Variants in NAALADL2 observed in about 807,000 individuals in gnomAD.
NAALADL2 encodes N-acetylated alpha-linked acidic dipeptidase like 2.
NAALADL2 carries 76 observed loss-of-function variants against 87.2 expected under a neutral mutation model. That is an observed-to-expected ratio of 0.87 (90% CI 0.72 to 1.05). The LOEUF (loss-of-function observed/expected upper bound fraction) is 1.05. Ranked by LOEUF, NAALADL2 falls within the 50% of genes least tolerant of loss-of-function variation. The pLI, the probability that NAALADL2 is intolerant of heterozygous loss-of-function variation, is 0.00. For synonymous variants in NAALADL2, 354 were observed against 331.0 expected (o/e 1.07, Z -0.75); for missense variants, 1,089 against 945.8 (o/e 1.15, Z -1.99).
chr3:174,536,381 T>C (rs1435228175), intron 1 of NAALADL2, among the ~76,000 whole-genome samples: 3 of 152,168 alleles, frequency 2.0e-5, no homozygotes, highest in Non-Finnish European at 4.4e-5. Flanking sequence ...AAGGGCAACC[T>C]TCTTGTTGGG....
chr3:174,903,859 C>A (rs1486945155), intron 1 of NAALADL2, among the ~76,000 whole-genome samples: 2 of 151,714 alleles, frequency 1.3e-5, no homozygotes, highest in Admixed American at 1.3e-4. Context: ...ATCATCATCA[C>A]CTATAAATGT....
intron 4 of NAALADL2, 146 bp from the exon 5 acceptor site, chr3:175,324,028 CA>C (rs372517580): frequency 0.096 from 39,596 of 412,054 alleles, 1 homozygote; most frequent in South Asian, 0.12. Context: ...AAAAAACAAA[CA>C]AAAAAAAAAA....
chr3:175,115,078 G>T (rs1423946583), intron 2 of NAALADL2: 1 of 151,574 alleles, frequency 6.6e-6, no homozygotes, highest in Non-Finnish European at 1.5e-5. Flanking sequence ...CAGACTAAAT[G>T]ATAAAATATG....
chr3:175,638,655 G>C (rs1728871612), intron 11 of NAALADL2, among the ~76,000 whole-genome samples: 1 of 152,068 alleles, frequency 6.6e-6, no homozygotes, highest in African/African-American at 2.4e-5. Flanking sequence ...AAATGCATGA[G>C]CTTTTTATGT....
chr3:175,021,575 G>A lies in NAALADL2; in HGVS notation c.44-75215G>A, dbSNP rs1033554590. ...CACCCTCTTTCCCCTCAAGTGTTTC[G>A]TATTGAACTTGTGGAGAAGTCAAAC... On this transcript the variant is annotated intron_variant, in intron 1 of 13. Coordinates refer to ENST00000454872, the MANE Select transcript of NAALADL2 (RefSeq NM_207015.3). Among the ~76,000 whole-genome samples the A allele has an allele frequency of 3.9e-5, 6 of 152,066 alleles. No homozygotes were observed. In the South Asian group the frequency reaches 1.2e-3, roughly 32 times the overall value.
At chr3:174,732,904 GA>G (rs1384915727) in intron 2 of NAALADL2, among the ~76,000 whole-genome samples, 1 of 152,036 alleles carries the variant, frequency 6.6e-6, no homozygotes, top group Non-Finnish European at 1.5e-5. Context: ...TGGTGCTTAG[GA>G]AAATCCAAAA....
intron 13 of NAALADL2, among the ~76,000 whole-genome samples, chr3:175,801,878 CCTT>C (rs1333996109): frequency 1.3e-5 from 2 of 152,042 alleles, no homozygotes; most frequent in African/African-American, 4.8e-5. Flanking sequence ...TCAAATTTCT[CCTT>C]CTCAGCAATT....
intron 1 of NAALADL2, among the ~76,000 whole-genome samples, chr3:174,919,621 A>G (rs1341136146): frequency 1.3e-5 from 2 of 152,152 alleles, no homozygotes; most frequent in South Asian, 2.1e-4. Context: ...TCTCAAACTC[A>G]TCCATGAGGG....
At chr3:175,556,592 T>C (rs555468327) in intron 9 of NAALADL2, among the ~76,000 whole-genome samples, 48 of 152,308 alleles carry the variant, frequency 3.2e-4, no homozygotes, top group African/African-American at 1.2e-3. Context: ...ATGAAATTGT[T>C]ACTGCCATTT....
chr3:174,899,765 GT>G, intron 1 of NAALADL2, among the ~76,000 whole-genome samples: 1 of 151,948 alleles, frequency 6.6e-6, no homozygotes, highest in East Asian at 1.9e-4. Flanking sequence ...AGAATTTCCA[GT>G]GTTTTTTTCT....
intron 4 of NAALADL2, among the ~76,000 whole-genome samples, chr3:175,275,923 C>T (rs942895939): frequency 6.6e-6 from 1 of 151,306 alleles, no homozygotes; most frequent in Non-Finnish European, 1.5e-5. Flanking sequence ...AAATTCATGA[C>T]CGTAACCTTA....
At chr3:175,376,020 A>C (rs1430204231) in intron 5 of NAALADL2, among the ~76,000 whole-genome samples, 1 of 152,098 alleles carries the variant, frequency 6.6e-6, no homozygotes, top group Non-Finnish European at 1.5e-5. Context: ...ATAATGTAAA[A>C]ACTTCATGAC....
intron 9 of NAALADL2, among the ~76,000 whole-genome samples, chr3:175,498,308 A>C (rs1729097209): frequency 6.6e-6 from 1 of 152,098 alleles, no homozygotes. Context: ...AGAAAATACC[A>C]ATTTGTACTC....
At chr3:174,694,149 C>A (rs1728823993) in intron 2 of NAALADL2, among the ~76,000 whole-genome samples, 1 of 152,134 alleles carries the variant, frequency 6.6e-6, no homozygotes, top group South Asian at 2.1e-4. Flanking sequence ...CTCTGACTCT[C>A]TTTTGCCATA....
intron 2 of NAALADL2, among the ~76,000 whole-genome samples, chr3:174,582,401 G>A (rs1327875460): frequency 6.6e-6 from 1 of 152,136 alleles, no homozygotes; most frequent in African/African-American, 2.4e-5. Context: ...ACCGGAAAGT[G>A]AAGTAAATAC....
chr3:174,490,084 C>T (rs906349050), intron 1 of NAALADL2, among the ~76,000 whole-genome samples: 3 of 152,022 alleles, frequency 2.0e-5, no homozygotes, highest in East Asian at 1.9e-4. Flanking sequence ...CATATGTCCT[C>T]ACAAAGTCTT....
chr3:174,783,642 A>G (rs1381483656), intron 3 of NAALADL2, among the ~76,000 whole-genome samples: 1 of 152,066 alleles, frequency 6.6e-6, no homozygotes, highest in African/African-American at 2.4e-5. Context: ...TATTTTGAAT[A>G]CCTGAGTGAG....
intron 3 of NAALADL2, among the ~76,000 whole-genome samples, chr3:174,790,517 G>A (rs1289865766): frequency 1.3e-5 from 2 of 151,950 alleles, no homozygotes; most frequent in Admixed American, 6.6e-5. Flanking sequence ...GTGTGGTGGT[G>A]CATGCCTTTA....
In NAALADL2 at chr3:175,786,292, G is replaced by A. The variant is rs184284931; in HGVS notation, c.2190-16713G>A. ...GTTCTCCTGGATAATATCCTGCAAA[G>A]TGTTTTCCAACTTGGTTCCATTCTC... On this transcript the variant is annotated intron_variant, in intron 13 of 13. Transcript: ENST00000454872. Among the ~76,000 whole-genome samples the A allele has an allele frequency of 2.7e-3, 408 of 152,260 alleles. 2 individuals are homozygous for A. Among genetic ancestry groups the A allele is most frequent in the African/African-American group, 9.4e-3 (391 of 41,530 alleles).
Sources: allele counts gnomAD v4.1 joint callset (sites outside exome capture counted in the v4.1 genomes callset), GRCh38; gene constraint gnomAD v4.1.1; transcripts MANE v1.5; gene names NCBI Gene and HGNC (gene_info 2026-07-23, HGNC 2026-07-21).